SEMA3A: variants seen among roughly 807,000 people sequenced by gnomAD.
The protein encoded by SEMA3A is semaphorin 3A.
A neutral mutation model predicts 97.9 loss-of-function variants in SEMA3A; 29 were observed. The observed-to-expected ratio is 0.30, with a 90% CI of 0.22 to 0.40. The LOEUF (loss-of-function observed/expected upper bound fraction) is 0.40. Ranked by LOEUF, SEMA3A falls within the 10% of genes least tolerant of loss-of-function variation. SEMA3A has a pLI of 1.00. For missense variants in SEMA3A, 763 were observed against 951.3 expected, an observed-to-expected ratio of 0.80 and a Z score of 2.60; for synonymous variants, 321 against 323.7, an observed-to-expected ratio of 0.99 and a Z score of 0.09.
chr7:84,098,362 C>A (rs1035069632), intron 4 of SEMA3A, among the ~76,000 whole-genome samples: 7 of 151,710 alleles, frequency 4.6e-5, no homozygotes, highest in African/African-American at 1.5e-4. Context: ...TTATATTTTT[C>A]TTTGATTGTA....
intron 1 of SEMA3A, among the ~76,000 whole-genome samples, chr7:84,373,851 G>C (rs890302498): frequency 3.3e-5 from 5 of 152,154 alleles, no homozygotes; most frequent in Non-Finnish European, 7.4e-5. Flanking sequence ...CATTTTCCAA[G>C]AAAGTTTAAG....
intron 4 of SEMA3A, among the ~76,000 whole-genome samples, chr7:84,074,499 T>C (rs1438414823): frequency 6.6e-6 from 1 of 152,138 alleles, no homozygotes; most frequent in Non-Finnish European, 1.5e-5. Context: ...TAGATTTAAC[T>C]ATGATTTACA....
At chr7:84,268,292 T>TGTGTGTGTGTGC (rs1270236936) in intron 3 of SEMA3A, among the ~76,000 whole-genome samples, 3 of 149,182 alleles carry the variant, frequency 2.0e-5, no homozygotes, top group African/African-American at 7.6e-5. Context: ...TGTGTGTGTG[T>TGTGTGTGTGTGC]GTGCAGGTGC....
At chr7:84,133,311 T>C in intron 2 of SEMA3A, among the ~76,000 whole-genome samples, 1 of 152,194 alleles carries the variant, frequency 6.6e-6, no homozygotes, top group East Asian at 1.9e-4. Context: ...GTCAGATTTT[T>C]AGTGTTCAGG....
At chr7:84,153,986 G>A (rs900868793) in intron 1 of SEMA3A, among the ~76,000 whole-genome samples, 4 of 151,936 alleles carry the variant, frequency 2.6e-5, no homozygotes, top group African/African-American at 9.7e-5. Flanking sequence ...GGAATAAAGG[G>A]TTCCATGAGA....
At chr7:84,046,184 C>G (rs753754115) in intron 6 of SEMA3A, 140 bp downstream of exon 6, 2 of 877,180 alleles carry the variant, frequency 2.3e-6, no homozygotes, top group African/African-American at 3.4e-5. Context: ...CTTTCTCACA[C>G]CCACCATCAT....
intron 3 of SEMA3A, among the ~76,000 whole-genome samples, chr7:84,269,249 C>T (rs906042694): frequency 6.6e-6 from 1 of 152,000 alleles, no homozygotes; most frequent in Non-Finnish European, 1.5e-5. Context: ...TTTAATTTAT[C>T]GGAGTTAAAA....
At chr7:84,285,043 G>A (rs1331614210) in intron 3 of SEMA3A, among the ~76,000 whole-genome samples, 1 of 152,044 alleles carries the variant, frequency 6.6e-6, no homozygotes, top group Non-Finnish European at 1.5e-5. Context: ...CACTTCTCTT[G>A]TACTCTTTTA....
chr7:84,463,426 T>C (rs903279303), intron 1 of SEMA3A, among the ~76,000 whole-genome samples: 6 of 151,764 alleles, frequency 4.0e-5, no homozygotes, highest in African/African-American at 1.5e-4. Context: ...TTTTTTGTAT[T>C]TTTAGTAGAG....
At chr7:83,996,928 A>G (rs937052959) in intron 12 of SEMA3A, among the ~76,000 whole-genome samples, 2 of 152,054 alleles carry the variant, frequency 1.3e-5, no homozygotes, top group African/African-American at 4.8e-5. Flanking sequence ...ACTAAGCAAT[A>G]TTTTTCTTTC....
chr7:84,035,514 A>T (rs1791909745), intron 6 of SEMA3A, among the ~76,000 whole-genome samples: 1 of 152,062 alleles, frequency 6.6e-6, no homozygotes, highest in African/African-American at 2.4e-5. Context: ...TTAAGTTCTT[A>T]TTTATTCATT....
intron 4 of SEMA3A, among the ~76,000 whole-genome samples, chr7:84,106,022 C>T (rs1289956846): frequency 6.6e-6 from 1 of 152,082 alleles, no homozygotes. Flanking sequence ...AATAGGTCTA[C>T]CAATTCCCAA....
At chr7:84,384,465 ACAGAG>A (rs1803349521) in intron 1 of SEMA3A, among the ~76,000 whole-genome samples, 1 of 152,206 alleles carries the variant, frequency 6.6e-6, no homozygotes, top group African/African-American at 2.4e-5. Context: ...AAATATGGTA[ACAGAG>A]TATGTTAGTC....
chr7:84,404,551 G>A (rs533108105), intron 1 of SEMA3A, among the ~76,000 whole-genome samples: 3 of 151,936 alleles, frequency 2.0e-5, no homozygotes, highest in African/African-American at 7.2e-5. Flanking sequence ...GAATGCCACA[G>A]AGATACTCCT....
At chr7:84,169,646 A>T (rs1417853630) in intron 1 of SEMA3A, among the ~76,000 whole-genome samples, 1 of 151,312 alleles carries the variant, frequency 6.6e-6, no homozygotes, top group African/African-American at 2.4e-5. Flanking sequence ...CTTGGCTTTA[A>T]AAAACCAAAT....
In SEMA3A at chr7:83,958,315, G is replaced by A. The variant is rs922108962; in HGVS notation, c.*3056C>T. ...ATGTTCCTTAACACCATATGTTATA[G>A]GGAACAGTAAAGACATCTGAATTCA... is the stretch of plus-strand genomic sequence containing the variant. On this transcript the variant is annotated 3_prime_UTR_variant, in exon 17 of 17. Coordinates refer to ENST00000265362, the MANE Select transcript of SEMA3A (RefSeq NM_006080.3). 2 of 152,448 alleles carry A rather than the reference G, an allele frequency of 1.3e-5. No homozygotes were observed. The highest frequency in any genetic ancestry group is 4.8e-5 in the African/African-American group (2 of 41,412). 9.4% of individuals were successfully genotyped at this position (152,448 alleles called of 1,614,324 possible). A position where few individuals can be genotyped will look rare whatever the true frequency, so the allele number is the denominator to read the frequency against.
chr7:84,128,324 G>A (rs1210359885), intron 3 of SEMA3A, among the ~76,000 whole-genome samples: 2 of 151,868 alleles, frequency 1.3e-5, no homozygotes, highest in Admixed American at 6.6e-5. Context: ...AAGGAAAGAG[G>A]AGATAAAAGG....
At chr7:84,008,830 C>T (rs1292487287) in intron 9 of SEMA3A, among the ~76,000 whole-genome samples, 1 of 152,066 alleles carries the variant, frequency 6.6e-6, no homozygotes, top group Non-Finnish European at 1.5e-5. Context: ...TTAATAAATA[C>T]TTACAGAATT....
chr7:83,985,336 T>C (rs1789581079), intron 13 of SEMA3A, 100 bp downstream of exon 13: 4 of 838,342 alleles, frequency 4.8e-6, no homozygotes, highest in Non-Finnish European at 7.7e-6. Context: ...TTTTGTATAA[T>C]TGTTAACAAA....
Sources: gnomAD v4.1 joint callset for allele counts (sites outside exome capture counted in the v4.1 genomes callset) on GRCh38, gnomAD v4.1.1 for gene constraint, MANE v1.5 for transcripts, NCBI Gene and HGNC (gene_info 2026-07-23, HGNC 2026-07-21) for gene names.